DLG2: variants seen among roughly 807,000 people sequenced by gnomAD.
DLG2 encodes the protein disks large homolog 2.
Under a neutral mutation model 132.5 loss-of-function variants are expected in DLG2, and 45 were observed. The ratio of observed to expected loss-of-function variants is 0.34; its 90% CI spans 0.27 to 0.44. The LOEUF is 0.44. Ranked by LOEUF, DLG2 falls within the 20% of genes least tolerant of loss-of-function variation. The probability of loss-of-function intolerance (pLI) is 1.00; values close to 1 mark genes in which losing one functional copy is unlikely to be tolerated. For missense variants in DLG2, 1,045 were observed against 1,196.9 expected (o/e 0.87, Z 1.87); for synonymous variants, 424 against 419.6 (o/e 1.01, Z -0.13).
chr11:84,245,422 A>T (rs569476899), intron 8 of DLG2, among the ~76,000 whole-genome samples: 1 of 152,260 alleles, frequency 6.6e-6, no homozygotes, highest in African/African-American at 2.4e-5. Context: ...CCAATGGGGG[A>T]TATACTACTA....
intron 18 of DLG2, among the ~76,000 whole-genome samples, chr11:83,649,043 C>T (rs1487834783): frequency 3.9e-5 from 6 of 151,970 alleles, no homozygotes; most frequent in African/African-American, 7.2e-5. Flanking sequence ...AGGATGGTCT[C>T]GTGGGTCTGG....
At chr11:83,620,382 T>C (rs550250277) in intron 19 of DLG2, among the ~76,000 whole-genome samples, 47 of 152,286 alleles carry the variant, frequency 3.1e-4, no homozygotes, top group Non-Finnish European at 3.7e-4. Context: ...GTAGAAAGAA[T>C]GACAACTTTA....
At chr11:84,396,090 G>C (rs967097995) in intron 7 of DLG2, among the ~76,000 whole-genome samples, 1 of 152,084 alleles carries the variant, frequency 6.6e-6, no homozygotes, top group Admixed American at 6.6e-5. Flanking sequence ...TGTTCTTTTA[G>C]GCCACTGACA....
At chr11:84,046,157 C>T (rs1203050500) in intron 11 of DLG2, among the ~76,000 whole-genome samples, 5 of 151,564 alleles carry the variant, frequency 3.3e-5, no homozygotes, top group African/African-American at 1.2e-4. Flanking sequence ...ACCACTATTT[C>T]CTTTGAGGGC....
intron 8 of DLG2, among the ~76,000 whole-genome samples, chr11:84,199,432 T>C (rs899536638): frequency 6.6e-6 from 1 of 151,986 alleles, no homozygotes; most frequent in African/African-American, 2.4e-5. Flanking sequence ...ATACAATACA[T>C]GCAAAAAAGC....
intron 17 of DLG2, among the ~76,000 whole-genome samples, chr11:83,795,513 G>C (rs992844902): frequency 3.3e-5 from 5 of 151,342 alleles, no homozygotes; most frequent in Non-Finnish European, 7.4e-5. Flanking sequence ...ATATGTTTTG[G>C]CATCCTTTTC....
intron 19 of DLG2, among the ~76,000 whole-genome samples, chr11:83,618,705 A>G (rs1325449336): frequency 6.6e-6 from 1 of 152,168 alleles, no homozygotes; most frequent in African/African-American, 2.4e-5. Flanking sequence ...ATTGAGTTAG[A>G]ATTCTACAGG....
intron 16 of DLG2, among the ~76,000 whole-genome samples, chr11:83,874,050 T>A (rs927115942): frequency 6.6e-6 from 1 of 151,812 alleles, no homozygotes; most frequent in Non-Finnish European, 1.5e-5. Context: ...GCTTGGCACA[T>A]AAGGTGAGTT....
At chr11:84,842,871 C>G (rs149367874) in intron 6 of DLG2, among the ~76,000 whole-genome samples, 1 of 151,828 alleles carries the variant, frequency 6.6e-6, no homozygotes, top group Non-Finnish European at 1.5e-5. Flanking sequence ...ATTTTACCAC[C>G]ACCATTTCTA....
intron 18 of DLG2, among the ~76,000 whole-genome samples, chr11:83,734,590 A>G (rs1031469985): frequency 1.3e-5 from 2 of 152,076 alleles, no homozygotes. Context: ...AGCTGGGACT[A>G]CAGGCACAGG....
intron 3 of DLG2, among the ~76,000 whole-genome samples, chr11:85,460,681 C>T (rs554098394): frequency 6.6e-6 from 1 of 152,282 alleles, no homozygotes; most frequent in South Asian, 2.1e-4. Context: ...CCATGATCAC[C>T]CCTCACTTTT....
chr11:85,336,279 C>A, intron 3 of DLG2: 1 of 153,560 alleles, frequency 6.5e-6, no homozygotes, highest in South Asian at 2.0e-4. Context: ...CCCCTTATGC[C>A]ACCACCACTG....
intron 10 of DLG2, among the ~76,000 whole-genome samples, chr11:84,096,366 C>A (rs1015849526): frequency 5.3e-5 from 8 of 152,242 alleles, no homozygotes; most frequent in Admixed American, 3.3e-4. Flanking sequence ...ATTATCTTTT[C>A]AACTACGAAT....
intron 16 of DLG2, among the ~76,000 whole-genome samples, chr11:83,840,661 A>C (rs941348630): frequency 1.3e-5 from 2 of 152,210 alleles, no homozygotes; most frequent in Admixed American, 1.3e-4. Flanking sequence ...TATTTATATA[A>C]ATTTCCCAGA....
At chr11:84,652,442 G>T (rs2099683178) in intron 6 of DLG2, among the ~76,000 whole-genome samples, 1 of 152,130 alleles carries the variant, frequency 6.6e-6, no homozygotes, top group Non-Finnish European at 1.5e-5. Context: ...GATCATTGTG[G>T]CATTCACTGT....
At chr11:85,178,342 A>G (rs1461855437) in intron 4 of DLG2, among the ~76,000 whole-genome samples, 1 of 152,036 alleles carries the variant, frequency 6.6e-6, no homozygotes, top group Non-Finnish European at 1.5e-5. Context: ...AATATAGTAA[A>G]TGTTAATTTT....
intron 7 of DLG2, among the ~76,000 whole-genome samples, chr11:84,434,931 A>G (rs1045644088): frequency 2.0e-5 from 3 of 151,458 alleles, no homozygotes; most frequent in Admixed American, 6.6e-5. Context: ...AAAAAAAAAA[A>G]AAAAAAGAAA....
chr11:83,581,671 T>A (rs1292989426), intron 19 of DLG2, among the ~76,000 whole-genome samples: 1 of 152,198 alleles, frequency 6.6e-6, no homozygotes, highest in African/African-American at 2.4e-5. Flanking sequence ...ATTAAAAAGA[T>A]CCTATGTGGA....
At chr11:85,612,621 C>T (rs577399197) in intron 2 of DLG2, among the ~76,000 whole-genome samples, 3 of 152,270 alleles carry the variant, frequency 2.0e-5, no homozygotes, top group Admixed American at 2.0e-4. Context: ...ACAAGGTTTT[C>T]AACAAAAGTA....
Sources: allele counts gnomAD v4.1 joint callset (sites outside exome capture counted in the v4.1 genomes callset), GRCh38; gene constraint gnomAD v4.1.1; transcripts MANE v1.5; gene names NCBI Gene and HGNC (gene_info 2026-07-23, HGNC 2026-07-21).